Variants in PRUNE1 observed in about 807,000 individuals in gnomAD.
PRUNE1 encodes the protein exopolyphosphatase PRUNE1.
A neutral mutation model predicts 42.5 loss-of-function variants in PRUNE1; 25 were observed. The ratio of observed to expected loss-of-function variants is 0.59; its 90% CI spans 0.43 to 0.82. PRUNE1 has a LOEUF of 0.82. Among genes scored for constraint, PRUNE1 ranks in the 40% least tolerant of loss-of-function variants. The pLI, the probability that PRUNE1 is intolerant of heterozygous loss-of-function variation, is 0.00. For missense variants in PRUNE1, 443 were observed against 539.3 expected (o/e 0.82, Z 1.77); for synonymous variants, 203 against 217.1 (o/e 0.93, Z 0.57).
chr1:151,032,810 A>G (rs1675317067), intron 7 of PRUNE1, among the ~76,000 whole-genome samples: 1 of 151,502 alleles, frequency 6.6e-6, no homozygotes, highest in East Asian at 1.9e-4. Flanking sequence ...GTCTTGCTTT[A>G]TTGCCCAGGC....
In PRUNE1 at chr1:151,017,888, CT is replaced by C; in HGVS notation, c.121del (p.Tyr41ThrfsTer2). Reference protein sequence around the residue: ...LDSTVSALALAFYLAKTTEAE... With the variant: ...LDSTVSALALXFYLAKTTEAE... ...TCCACAGTGTCTGCTCTTGCCCTGG[CT>C]TTTTACCTAGCAAAGGTGGGTAAAA... On this transcript the variant is annotated frameshift_variant, in exon 2 of 8. Coordinates refer to ENST00000271620, the MANE Select transcript of PRUNE1 (RefSeq NM_021222.3). LOFTEE classifies it high-confidence loss of function. 6.3e-7 allele frequency: 1 copy of C among 1,590,808 alleles called. No homozygotes were observed. Among genetic ancestry groups the C allele is most frequent in the Non-Finnish European group, 8.6e-7 (1 of 1,159,006 alleles).
chr1:151,017,948 C>T (rs775661342), intron 2 of PRUNE1, 44 bp downstream of exon 2: 18 of 1,371,042 alleles, frequency 1.3e-5, no homozygotes, highest in Middle Eastern at 1.8e-4. Context: ...TCCCTCAGAA[C>T]GAAAAGATCT....
intron 3 of PRUNE1, among the ~76,000 whole-genome samples, chr1:151,020,761 C>T (rs141854647): frequency 0.01 from 1,507 of 150,550 alleles, 20 homozygotes; most frequent in African/African-American, 0.035. Context: ...GGGGGCGGAT[C>T]ATGAGGTCAG....
rs1675331579 is a variant in PRUNE1, at chr1:151,033,053, C to A, written c.934-753C>A. 2.7e-5 allele frequency among the ~76,000 whole-genome samples: 4 copies of A among 150,424 alleles called. No individual in the cohort carries two copies. In the South Asian group the frequency reaches 8.4e-4, roughly 31 times the overall value. ...CCTCCCAAAGTGCTGGGATTACAGG[C>A]GTGAGCCACTGTGCCCGGCCTCAAG... is the stretch of plus-strand genomic sequence containing the variant. On this transcript the variant is annotated intron_variant, in intron 7 of 7. Coordinates refer to ENST00000271620, the MANE Select transcript of PRUNE1 (RefSeq NM_021222.3).
intron 5 of PRUNE1, among the ~76,000 whole-genome samples, chr1:151,026,221 C>T (rs996355746): frequency 6.6e-6 from 1 of 151,382 alleles, no homozygotes; most frequent in Admixed American, 6.6e-5. Context: ...CTTTGGGAGG[C>T]CGAGGTGGGC....
intron 1 of PRUNE1, among the ~76,000 whole-genome samples, chr1:151,010,401 A>G (rs1337706660): frequency 6.6e-6 from 1 of 152,162 alleles, no homozygotes; most frequent in African/African-American, 2.4e-5. Flanking sequence ...TATATTCTCT[A>G]CAGCAATATG....
intron 7 of PRUNE1, among the ~76,000 whole-genome samples, chr1:151,032,731 C>T (rs1302361706): frequency 7.0e-6 from 1 of 142,820 alleles, no homozygotes; most frequent in Non-Finnish European, 1.5e-5. Context: ...AAAAAAAATA[C>T]TGTGTATATT....
rs1481233209 is a variant in PRUNE1 at position 151,035,042 on chromosome 1, C to T, written c.*808C>T. 1 of 152,226 alleles carries T rather than the reference C, an allele frequency of 6.6e-6. No homozygotes were observed. The highest frequency in any genetic ancestry group is 2.4e-5 in the African/African-American group (1 of 41,454). The allele number at this position is 152,226 out of a possible 1,614,324, so 9.4% of individuals were successfully genotyped here. ...TGAGAGGCCTGGGTCTGTCTCCTGCCTTAGCAGGCCTATCAATTTCTTGTC... is the reference window on the plus strand; with the variant it reads ...TGAGAGGCCTGGGTCTGTCTCCTGCTTTAGCAGGCCTATCAATTTCTTGTC... On this transcript the variant is annotated 3_prime_UTR_variant, in exon 8 of 8. Coordinates refer to ENST00000271620, the MANE Select transcript of PRUNE1 (RefSeq NM_021222.3).
intron 7 of PRUNE1, among the ~76,000 whole-genome samples, chr1:151,029,296 G>A (rs949769528): frequency 3.3e-5 from 5 of 151,484 alleles, no homozygotes; most frequent in Admixed American, 2.0e-4. Context: ...TTGAGCTAGG[G>A]ACAGTGGCAC....
At chr1:151,028,485 G>A (rs1007113106) in intron 6 of PRUNE1, among the ~76,000 whole-genome samples, 4 of 151,224 alleles carry the variant, frequency 2.6e-5, no homozygotes, top group African/African-American at 9.7e-5. Context: ...GTGCAATGGC[G>A]CAATCTCAGC....
chr1:151,016,485 C>T (rs6690662), intron 1 of PRUNE1, among the ~76,000 whole-genome samples: 106,491 of 151,958 alleles, frequency 0.7, 37,793 homozygotes, highest in East Asian at 0.88. Flanking sequence ...TTGGGCACTC[C>T]AGTTTTAGTA....
intron 1 of PRUNE1, among the ~76,000 whole-genome samples, chr1:151,013,726 C>T (rs943065794): frequency 1.3e-5 from 2 of 152,260 alleles, no homozygotes; most frequent in Non-Finnish European, 2.9e-5. Flanking sequence ...AACACTCGCT[C>T]CCCCTAACTG....
chr1:151,033,825 G>A lies in PRUNE1; in HGVS notation c.953G>A (p.Arg318His), dbSNP rs587608641. ...LQTTICEVLE[R>H]SHSPPLKLTP... is the part of the protein sequence containing the mutation. ...CTTTAGATCTGTGAAGTCCTGGAAC[G>A]CTCCCACTCTCCACCCCTGAAGCTG... The change falls in exon 8 of 8, where the codon CGC (arginine) becomes CAC (histidine). Residue 318 changes from arginine (R) to histidine (H), a missense_variant. Physicochemically the swap from Arg to His is conservative, Grantham distance 29. Coordinates refer to ENST00000271620, the MANE Select transcript of PRUNE1 (RefSeq NM_021222.3). The A allele has an allele frequency of 3.7e-6, 6 of 1,613,490 alleles. No homozygotes were observed. The highest frequency in any genetic ancestry group is 1.7e-5 in the Admixed American group (1 of 59,944).
chr1:151,021,723 CT>C (rs778163573), intron 3 of PRUNE1, among the ~76,000 whole-genome samples: 13,094 of 140,932 alleles, frequency 0.093, 657 homozygotes, highest in African/African-American at 0.16. Flanking sequence ...CTTTTTTTTT[CT>C]TTTTTTTTTT....
At chr1:151,018,726 G>A in intron 3 of PRUNE1, 57 bp downstream of exon 3, 1 of 1,502,166 alleles carries the variant, frequency 6.7e-7, no homozygotes, top group Non-Finnish European at 9.2e-7. Flanking sequence ...GCTCTGATGA[G>A]TGAGATATAA....
At chr1:151,016,013 G>C (rs1674085393) in intron 1 of PRUNE1, among the ~76,000 whole-genome samples, 1 of 152,106 alleles carries the variant, frequency 6.6e-6, no homozygotes, top group Non-Finnish European at 1.5e-5. Context: ...GAGGTGGGCG[G>C]ATCACTGGAG....
At chr1:151,014,298 T>C (rs1673963729) in intron 1 of PRUNE1, among the ~76,000 whole-genome samples, 1 of 152,094 alleles carries the variant, frequency 6.6e-6, no homozygotes, top group African/African-American at 2.4e-5. Context: ...ACTCTTGAAG[T>C]AGACTTAGAG....
At chr1:151,012,002 C>T (rs890585695) in intron 1 of PRUNE1, among the ~76,000 whole-genome samples, 9 of 152,130 alleles carry the variant, frequency 5.9e-5, no homozygotes, top group Admixed American at 2.0e-4. Context: ...TGGTCTCAAT[C>T]TCTTGACCTC....
intron 3 of PRUNE1, among the ~76,000 whole-genome samples, chr1:151,021,206 G>C (rs1674411046): frequency 6.6e-6 from 1 of 150,994 alleles, no homozygotes; most frequent in Non-Finnish European, 1.5e-5. Context: ...TGTAATCCCA[G>C]CACTTTGGGA....
Sources: gnomAD v4.1 joint callset for allele counts (sites outside exome capture counted in the v4.1 genomes callset) on GRCh38, gnomAD v4.1.1 for gene constraint, MANE v1.5 for transcripts, NCBI Gene and HGNC (gene_info 2026-07-23, HGNC 2026-07-21) for gene names.